ATXN1: variants seen among roughly 807,000 people sequenced by gnomAD.
ATXN1 encodes ataxin-1.
Under a neutral mutation model 56.4 loss-of-function variants are expected in ATXN1, and 8 were observed. That is an observed-to-expected ratio of 0.14 (90% confidence interval 0.08 to 0.26). ATXN1 has a LOEUF of 0.26. ATXN1 is among the 10% of genes least tolerant of loss of function. The probability of loss-of-function intolerance (pLI) is 1.00; values close to 1 mark genes in which losing one functional copy is unlikely to be tolerated. For missense variants in ATXN1, 987 were observed against 1,106.5 expected (o/e 0.89, Z 1.53); for synonymous variants, 514 against 494.6 (o/e 1.04, Z -0.52).
intron 6 of ATXN1, among the ~76,000 whole-genome samples, chr6:16,463,311 A>G (rs1324683678): frequency 1.3e-5 from 2 of 152,132 alleles, no homozygotes; most frequent in Non-Finnish European, 2.9e-5. Context: ...TAGTCTTCCT[A>G]AGTCCCAACA....
At chr6:16,602,206 T>C (rs1156411138) in intron 3 of ATXN1, among the ~76,000 whole-genome samples, 1 of 152,114 alleles carries the variant, frequency 6.6e-6, no homozygotes, top group Admixed American at 6.5e-5. Flanking sequence ...TTAGGCCCTC[T>C]AGGTGCCTCC....
At chr6:16,362,402 G>T (rs1761827545) in intron 6 of ATXN1, among the ~76,000 whole-genome samples, 1 of 152,178 alleles carries the variant, frequency 6.6e-6, no homozygotes, top group Non-Finnish European at 1.5e-5. Context: ...AGTCACCTGG[G>T]TGTCGGCTTC....
intron 6 of ATXN1, among the ~76,000 whole-genome samples, chr6:16,430,493 A>G (rs965380046): frequency 6.6e-6 from 1 of 152,200 alleles, no homozygotes; most frequent in South Asian, 2.1e-4. Flanking sequence ...TTTTTGAAAC[A>G]AGGGCTTTGC....
chr6:16,309,491 G>A (rs1760338527), intron 7 of ATXN1, among the ~76,000 whole-genome samples: 1 of 151,988 alleles, frequency 6.6e-6, no homozygotes, highest in South Asian at 2.1e-4. Context: ...ATTGAGAGGG[G>A]CTAACAGACA....
intron 6 of ATXN1, among the ~76,000 whole-genome samples, chr6:16,459,870 C>A (rs1759954836): frequency 6.6e-6 from 1 of 152,192 alleles, no homozygotes; most frequent in Non-Finnish European, 1.5e-5. Context: ...TACTCTAGAT[C>A]TCTTGAACTT....
intron 7 of ATXN1, among the ~76,000 whole-genome samples, chr6:16,307,467 A>G (rs573268753): frequency 5.9e-5 from 9 of 151,820 alleles, no homozygotes; most frequent in South Asian, 2.1e-4. Context: ...TCAGGAGTTC[A>G]AGACCAGCCT....
intron 6 of ATXN1, among the ~76,000 whole-genome samples, chr6:16,440,071 G>A (rs563352821): frequency 1.9e-3 from 240 of 129,112 alleles, no homozygotes; most frequent in Non-Finnish European, 2.6e-3. Flanking sequence ...GCAAGACTTC[G>A]TCTCAAAAAA....
rs761436802 is a variant in ATXN1 at position 16,327,591 on chromosome 6, T to TG, written c.719dup (p.Pro241ThrfsTer70). ...GGACGTACTGGTTCTGCTGGGCTGGTGGGGGGGACCCCGGGGTGATGAGCC... is the reference window on the plus strand; with the variant it reads ...GGACGTACTGGTTCTGCTGGGCTGGTGGGGGGGGACCCCGGGGTGATGAGCC... On this transcript the variant is annotated frameshift_variant, in exon 7 of 8. Coordinates refer to ENST00000436367, the MANE Select transcript of ATXN1 (RefSeq NM_001128164.2). LOFTEE classifies it high-confidence loss of function. 6.3e-7 allele frequency: 1 copy of TG among 1,593,934 alleles called. No homozygotes were observed.
At chr6:16,482,553 T>G (rs1760460675) in intron 6 of ATXN1, among the ~76,000 whole-genome samples, 1 of 152,200 alleles carries the variant, frequency 6.6e-6, no homozygotes, top group Admixed American at 6.5e-5. Context: ...GAATGAAATA[T>G]GGATCACTTT....
intron 6 of ATXN1, among the ~76,000 whole-genome samples, chr6:16,359,073 T>C (rs1248598371): frequency 6.6e-6 from 1 of 152,218 alleles, no homozygotes; most frequent in African/African-American, 2.4e-5. Context: ...CTCAGATGTG[T>C]CTGCGCCCAC....
At chr6:16,475,455 T>C (rs1384884514) in intron 6 of ATXN1, among the ~76,000 whole-genome samples, 2 of 152,152 alleles carry the variant, frequency 1.3e-5, no homozygotes, top group Non-Finnish European at 2.9e-5. Flanking sequence ...CCACAGTTAT[T>C]AGGGAGCAAT....
intron 2 of ATXN1, among the ~76,000 whole-genome samples, chr6:16,669,714 C>T (rs1758501385): frequency 7.1e-6 from 1 of 140,460 alleles, no homozygotes; most frequent in Admixed American, 7.6e-5. Flanking sequence ...GACAAATGTG[C>T]AGAACGTGCA....
chr6:16,759,528 C>CTTT (rs1264650257), intron 1 of ATXN1, among the ~76,000 whole-genome samples: 31 of 64,478 alleles, frequency 4.8e-4, no homozygotes, highest in East Asian at 3.4e-3. Context: ...CTTCTTCCGA[C>CTTT]TGTTTTTTTT....
intron 2 of ATXN1, among the ~76,000 whole-genome samples, chr6:16,721,186 C>T (rs1047890802): frequency 2.6e-5 from 4 of 152,238 alleles, no homozygotes; most frequent in Non-Finnish European, 5.9e-5. Context: ...TCATTTGTCT[C>T]ATGCCGAGCA....
chr6:16,589,500 C>G lies in ATXN1; in HGVS notation c.-488-3593G>C, dbSNP rs1361487258. ...CACACACGTTTCATACTGCAAAGTT[C>G]CAGAGCTGGGCATCTGAAATATACG... On this transcript the variant is annotated intron_variant, in intron 3 of 7. Coordinates refer to ENST00000436367, the MANE Select transcript of ATXN1 (RefSeq NM_001128164.2). 2.7e-5 allele frequency among the ~76,000 whole-genome samples: 4 copies of G among 150,342 alleles called. No individual in the cohort carries two copies. The East Asian group carries it at 7.8e-4, about 29-fold the overall frequency.
At chr6:16,620,420 A>G (rs781131002) in intron 3 of ATXN1, among the ~76,000 whole-genome samples, 2 of 151,956 alleles carry the variant, frequency 1.3e-5, no homozygotes, top group South Asian at 2.1e-4. Context: ...TTGAACATAT[A>G]TATCTTTTTT....
chr6:16,306,247 A>G lies in ATXN1; in HGVS notation c.*82T>C. 7.0e-7 allele frequency: 1 copy of G among 1,432,768 alleles called. No individual in the cohort carries two copies. The highest frequency in any genetic ancestry group is 1.4e-5 in the African/African-American group (1 of 70,278). 88.8% of individuals were successfully genotyped at this position (1,432,768 alleles called of 1,614,324 possible). A position where few individuals can be genotyped will look rare whatever the true frequency, so the allele number is the denominator to read the frequency against. ...AAAATTAAGAAGATAACATGTAAAT[A>G]CTGTGTTATTTTAGCCTACAGTACA... On this transcript the variant is annotated 3_prime_UTR_variant, in exon 8 of 8. Coordinates refer to ENST00000436367, the MANE Select transcript of ATXN1 (RefSeq NM_001128164.2). The surrounding 1 kb of genome is among the most constrained non-coding windows in gnomAD (Gnocchi z 5.2).
In ATXN1 at chr6:16,399,499, G is replaced by A. The variant is rs190225768; in HGVS notation, c.-160-71029C>T. 3.3e-5 allele frequency among the ~76,000 whole-genome samples: 5 copies of A among 152,158 alleles called. No homozygotes were observed. In the South Asian group the frequency reaches 8.3e-4, roughly 25 times the overall value. ...CAACATTTCTAAAGACAGAAATAGC[G>A]AAAAGAGTGTTGCGTTCCAAGCATA... On this transcript the variant is annotated intron_variant, in intron 6 of 7. Transcript: ENST00000436367.
At chr6:16,537,931 C>T (rs751248222) in intron 4 of ATXN1, among the ~76,000 whole-genome samples, 4 of 151,962 alleles carry the variant, frequency 2.6e-5, no homozygotes, top group Non-Finnish European at 5.9e-5. Context: ...GGTGATACCC[C>T]ATCTCTACTA....
Sources: gnomAD v4.1 joint callset for allele counts (sites outside exome capture counted in the v4.1 genomes callset) on GRCh38, gnomAD v4.1.1 for gene constraint, Gnocchi (gnomAD v3.1) non-coding constraint, MANE v1.5 for transcripts, NCBI Gene and HGNC (gene_info 2026-07-23, HGNC 2026-07-21) for gene names.